Variants in PACS2 observed in about 807,000 individuals in gnomAD.
PACS2 encodes phosphofurin acidic cluster sorting protein 2.
In PACS2, 36 loss-of-function variants were observed where a neutral mutation model predicts 113.0. The observed-to-expected ratio is 0.32, with a 90% CI of 0.24 to 0.42. PACS2 has a LOEUF of 0.42. Among genes scored for constraint, PACS2 ranks in the 10% least tolerant of loss-of-function variants. The pLI is 1.00. For missense variants in PACS2, 1,015 were observed against 1,239.5 expected, an observed-to-expected ratio of 0.82 and a Z score of 2.72; for synonymous variants, 589 against 536.1, an observed-to-expected ratio of 1.10 and a Z score of -1.36.
At position 105,384,891 on chromosome 14, in the gene PACS2, C is replaced by A; in HGVS notation, c.1904C>A (p.Pro635Gln). ...LEAQSAVQDT[P>Q]DIVSRITQYI... The stretch of plus-strand genomic sequence containing the variant: ...CCTCCCCCTGCAGTACAGGACACGC[C>A]AGACATTGTGTCACGCATCACGCAG... Residue 635 changes from proline (P) to glutamine (Q), a missense_variant, in exon 18 of 25, where the codon CCA becomes CAA. Coordinates refer to ENST00000447393, the MANE Select transcript of PACS2 (RefSeq NM_001100913.3). 1 of 1,587,264 alleles carries A rather than the reference C, an allele frequency of 6.3e-7. No individual in the cohort carries two copies. The highest frequency in any genetic ancestry group is 8.6e-7 in the Non-Finnish European group (1 of 1,165,894).
intron 9 of PACS2, among the ~76,000 whole-genome samples, chr14:105,378,122 C>T (rs1377027060): frequency 6.6e-6 from 1 of 152,256 alleles, no homozygotes; most frequent in African/African-American, 2.4e-5. Flanking sequence ...GGCCTTCCTG[C>T]CTCATCTCTT....
At chr14:105,319,747 T>C (rs935485088) in intron 1 of PACS2, among the ~76,000 whole-genome samples, 20 of 152,374 alleles carry the variant, frequency 1.3e-4, no homozygotes, top group African/African-American at 4.3e-4. Flanking sequence ...TGTTCTGTCT[T>C]GACCTTAAGG....
rs1206564719 is a variant in PACS2, at chr14:105,323,071, C to A, written c.119+8034C>A. 6.6e-6 allele frequency among the ~76,000 whole-genome samples: 1 copy of A among 152,156 alleles called. No individual in the cohort carries two copies. The highest frequency in any genetic ancestry group is 1.5e-5 in the Non-Finnish European group (1 of 68,032). ...AGGCTGGAGGGAGACGTCTGGGTGGCTTTGTGGTCATGTCATCGTTGCCAA... is the reference window on the plus strand; with the variant it reads ...AGGCTGGAGGGAGACGTCTGGGTGGATTTGTGGTCATGTCATCGTTGCCAA... On this transcript the variant is annotated intron_variant, in intron 1 of 24. Coordinates refer to ENST00000447393, the MANE Select transcript of PACS2 (RefSeq NM_001100913.3). The surrounding 1 kb of genome is among the most constrained non-coding windows in gnomAD (Gnocchi z 4.1).
At position 105,376,369 on chromosome 14, in the gene PACS2, G is replaced by T. The variant is rs996287049; in HGVS notation, c.802-399G>T. 9.9e-5 allele frequency among the ~76,000 whole-genome samples: 15 copies of T among 152,090 alleles called. No homozygotes were observed. Among genetic ancestry groups the T allele is most frequent in the Non-Finnish European group, 2.9e-5 (2 of 68,028 alleles). On this transcript the variant is annotated intron_variant, in intron 8 of 24. Coordinates refer to ENST00000447393, the MANE Select transcript of PACS2 (RefSeq NM_001100913.3). The surrounding 1 kb of genome is among the most constrained non-coding windows in gnomAD (Gnocchi z 4.7). ...CAGAGTGAGATTCGCAGGGCCTGGG[G>T]CTGAGGGAGGGGACGCACTAGAGGA...
chr14:105,394,462 G>A, intron 24 of PACS2, 92 bp from the exon 25 acceptor site: 1 of 1,580,000 alleles, frequency 6.3e-7, no homozygotes, highest in Non-Finnish European at 8.6e-7. Context: ...TGTACGCCCG[G>A]CTGCCACCCA....
chr14:105,353,954 G>A (rs1464927141), intron 3 of PACS2, among the ~76,000 whole-genome samples: 1 of 149,920 alleles, frequency 6.7e-6, no homozygotes, highest in Non-Finnish European at 1.5e-5. Context: ...GCTCATGCCT[G>A]TAATCCCAGC....
intron 22 of PACS2, 29 bp from the exon 23 acceptor site, chr14:105,392,590 G>A: frequency 6.4e-7 from 1 of 1,553,300 alleles, no homozygotes; most frequent in Middle Eastern, 1.7e-4. Flanking sequence ...AAAGATGCAG[G>A]TGTGAATGCC....
chr14:105,366,871 C>T lies in PACS2; in HGVS notation c.424-342C>T, dbSNP rs1024238178. On this transcript the variant is annotated intron_variant, in intron 4 of 24. Transcript: ENST00000447393. This position sits in a 1 kb window ranked among gnomAD's most constrained non-coding sequence, Gnocchi z 4.3. Reference sequence around the variant, plus strand: ...GTCGTGCCTGAGATCAGGAGGGCCGCGGACACCCCTGTCTGTCCATCTCAG... The same window carrying T: ...GTCGTGCCTGAGATCAGGAGGGCCGTGGACACCCCTGTCTGTCCATCTCAG... Among the ~76,000 whole-genome samples the T allele has an allele frequency of 5.9e-5, 9 of 152,182 alleles. No individual in the cohort carries two copies. The highest frequency in any genetic ancestry group is 7.4e-5 in the Non-Finnish European group (5 of 68,016).
chr14:105,314,925 G>A lies in PACS2; in HGVS notation c.7G>A (p.Glu3Lys). The part of the protein sequence containing the change: MA[E>K]RGRLGLPGAP... ...GAGCGGCGGGGCCGGCGCCATGGCC[G>A]AGCGAGGCCGCCTCGGCCTCCCCGG... The change falls in exon 1 of 25, where the codon GAG (glutamate) becomes AAG (lysine). Residue 3 changes from glutamate (E) to lysine (K), a missense_variant. Coordinates refer to ENST00000447393, the MANE Select transcript of PACS2 (RefSeq NM_001100913.3). 2.8e-6 allele frequency: 3 copies of A among 1,069,358 alleles called. No homozygotes were observed. Among genetic ancestry groups the A allele is most frequent in the African/African-American group, 1.7e-5 (1 of 57,244 alleles). The allele number at this position is 1,069,358 out of a possible 1,614,324, so 66.2% of individuals were successfully genotyped here. A position where few individuals can be genotyped will look rare whatever the true frequency, so the allele number is the denominator to read the frequency against.
chr14:105,394,273 G>A, intron 24 of PACS2: 1 of 985,192 alleles, frequency 1.0e-6, no homozygotes, highest in Non-Finnish European at 1.2e-6. Flanking sequence ...AGGTGGTGGG[G>A]TCTGCTCCTT....
intron 12 of PACS2, 141 bp from the exon 13 acceptor site, chr14:105,381,773 C>G (rs1406170116): frequency 1.4e-6 from 1 of 739,586 alleles, no homozygotes; most frequent in Non-Finnish European, 2.2e-6. Context: ...AGCCCATGTT[C>G]CCACTGCCCA....
In PACS2 at chr14:105,317,454, G is replaced by A. The variant is rs896805588; in HGVS notation, c.119+2417G>A. The stretch of plus-strand genomic sequence containing the variant: ...TGCTCCGGCCCCCACTGACAGGGAC[G>A]AGAGTCCCCACTGCTCCACATTTGT... On this transcript the variant is annotated intron_variant, in intron 1 of 24. Transcript: ENST00000447393. This position sits in a 1 kb window ranked among gnomAD's most constrained non-coding sequence, Gnocchi z 4.2. Among the ~76,000 whole-genome samples, 2 of 152,184 alleles carry A rather than the reference G, an allele frequency of 1.3e-5. No homozygotes were observed. The highest frequency in any genetic ancestry group is 2.9e-5 in the Non-Finnish European group (2 of 68,038).
chr14:105,334,524 C>G (rs1156615077), intron 1 of PACS2, among the ~76,000 whole-genome samples: 3 of 151,426 alleles, frequency 2.0e-5, no homozygotes, highest in Admixed American at 6.6e-5. Flanking sequence ...CCAATATGTG[C>G]GTAGAGCTCC....
intron 21 of PACS2, 173 bp downstream of exon 21, chr14:105,391,422 C>T: frequency 1.5e-6 from 1 of 658,188 alleles, no homozygotes; most frequent in South Asian, 1.8e-5. Context: ...GGACTGCTGT[C>T]ACAAAGCCCC....
At chr14:105,371,890 A>G (rs1369238564) in intron 8 of PACS2, 2 of 152,252 alleles carry the variant, frequency 1.3e-5, no homozygotes, top group South Asian at 2.1e-4. Context: ...CCCGTTTCCC[A>G]TAGAGGGCAC....
chr14:105,326,904 C>G (rs1258864221), intron 1 of PACS2, among the ~76,000 whole-genome samples: 3 of 152,228 alleles, frequency 2.0e-5, no homozygotes, highest in African/African-American at 7.2e-5. Context: ...GCTGTTCCTT[C>G]GGCTCCTGCA....
At position 105,391,334 on chromosome 14, in the gene PACS2, C is replaced by T; in HGVS notation, c.2119+85C>T. The T allele has an allele frequency of 1.2e-5, 13 of 1,067,678 alleles. No individual in the cohort carries two copies. In the South Asian group the frequency reaches 1.6e-4, roughly 13 times the overall value. The allele number at this position is 1,067,678 out of a possible 1,614,324, so 66.1% of individuals were successfully genotyped here. A position where few individuals can be genotyped will look rare whatever the true frequency, so the allele number is the denominator to read the frequency against. On this transcript the variant is annotated intron_variant, in intron 21 of 24. Coordinates refer to ENST00000447393, the MANE Select transcript of PACS2 (RefSeq NM_001100913.3). ...GTCATTCGAGTCCTGCAGACCAGATCAACCTTTCAGGGCCTGAGAGCCGCC... is the reference window on the plus strand; with the variant it reads ...GTCATTCGAGTCCTGCAGACCAGATTAACCTTTCAGGGCCTGAGAGCCGCC...
chr14:105,360,094 G>A (rs1388743206), intron 4 of PACS2, among the ~76,000 whole-genome samples: 1 of 152,124 alleles, frequency 6.6e-6, no homozygotes, highest in East Asian at 1.9e-4. Context: ...TTCAGTTCTA[G>A]GCCACCCCAA....
At chr14:105,363,224 CAA>C (rs587686102) in intron 4 of PACS2, among the ~76,000 whole-genome samples, 13 of 152,318 alleles carry the variant, frequency 8.5e-5, no homozygotes, top group African/African-American at 2.9e-4. Context: ...TCACTCCTAA[CAA>C]GAGAGGCAGC....
Sources: allele counts gnomAD v4.1 joint callset (sites outside exome capture counted in the v4.1 genomes callset), GRCh38; gene constraint gnomAD v4.1.1; non-coding constraint Gnocchi (gnomAD v3.1); transcripts MANE v1.5; gene names NCBI Gene and HGNC (gene_info 2026-07-23, HGNC 2026-07-21).